GRM5: variants seen among roughly 807,000 people sequenced by gnomAD.
GRM5 encodes glutamate metabotropic receptor 5.
GRM5 carries 19 observed loss-of-function variants against 83.1 expected under a neutral mutation model. The ratio of observed to expected loss-of-function variants is 0.23; its 90% CI spans 0.16 to 0.34. The LOEUF (loss-of-function observed/expected upper bound fraction) is 0.34, where lower values mean the gene tolerates loss of function less well. Ranked by LOEUF, GRM5 falls within the 10% of genes least tolerant of loss-of-function variation. GRM5 has a pLI of 1.00. For missense variants in GRM5, 1,160 were observed against 1,588.3 expected (o/e 0.73, Z 4.58); for synonymous variants, 675 against 633.6 (o/e 1.07, Z -0.98).
intron 2 of GRM5, among the ~76,000 whole-genome samples, chr11:88,875,011 T>G (rs1402000750): frequency 2.0e-5 from 3 of 151,670 alleles, no homozygotes; most frequent in Non-Finnish European, 4.4e-5. Context: ...ATCAGGGCGG[T>G]GGCTGCTGAA....
intron 8 of GRM5, among the ~76,000 whole-genome samples, chr11:88,563,569 A>G (rs1942805008): frequency 6.6e-6 from 1 of 152,160 alleles, no homozygotes; most frequent in Non-Finnish European, 1.5e-5. Context: ...GACAGAGGAC[A>G]GCAGAACAGG....
Position 88,525,389 on chromosome 11 carries a change from T to A in GRM5, c.2646A>T (p.Arg882Ser), listed in dbSNP as rs1482582238. Residue 882 changes from arginine to serine, a missense_variant, in exon 9 of 10, where the codon AGA becomes AGT. Physicochemically the swap from Arg to Ser is moderately radical, Grantham distance 110 (BLOSUM62 -1). Transcript: ENST00000305447. ...CTATTTCCGACTTGTGCTGGGCCAG[T>A]CTCCTGTCTTTGTACCTGGTGAGCA... The part of the protein sequence containing the change: ...SGETLRYKDR[R>S]LAQHKSEIEC... 6 of 1,607,716 alleles carry A rather than the reference T, an allele frequency of 3.7e-6. No individual in the cohort carries two copies. Among genetic ancestry groups the A allele is most frequent in the Non-Finnish European group, 5.1e-6 (6 of 1,174,478 alleles).
rs1294044029 is a variant in GRM5 at position 88,857,324 on chromosome 11, C to CA, written c.662-7170dup. 4.6e-5 allele frequency among the ~76,000 whole-genome samples: 7 copies of CA among 151,808 alleles called. No individual in the cohort carries two copies. In the East Asian group the frequency reaches 1.2e-3, roughly 25 times the overall value. ...AATAAATGAGAGTTGTTTTAATTTT[C>CA]AAAAAAATAAAAAATAAAACTCAGT... is the stretch of plus-strand genomic sequence containing the variant. On this transcript the variant is annotated intron_variant, in intron 2 of 9. Transcript: ENST00000305447.
chr11:88,884,467 A>G (rs1425948698), intron 2 of GRM5, among the ~76,000 whole-genome samples: 1 of 152,188 alleles, frequency 6.6e-6, no homozygotes, highest in Non-Finnish European at 1.5e-5. Flanking sequence ...CTTGTCTCAG[A>G]TGAGACTTTG....
intron 2 of GRM5, among the ~76,000 whole-genome samples, chr11:88,970,704 T>A (rs1172934473): frequency 6.6e-6 from 1 of 152,176 alleles, no homozygotes; most frequent in Non-Finnish European, 1.5e-5. Context: ...ATATCTGGAA[T>A]CAACAGTTCT....
At chr11:88,770,933 C>T (rs1942723882) in intron 3 of GRM5, among the ~76,000 whole-genome samples, 1 of 152,122 alleles carries the variant, frequency 6.6e-6, no homozygotes, top group Admixed American at 6.6e-5. Flanking sequence ...CATATTGCCA[C>T]TCAGCAGTAG....
chr11:89,025,703 G>T (rs1256517083), intron 2 of GRM5, among the ~76,000 whole-genome samples: 2 of 152,146 alleles, frequency 1.3e-5, no homozygotes, highest in African/African-American at 2.4e-5. Context: ...TGCTGGCAAG[G>T]TTGCATAGAA....
intron 7 of GRM5, among the ~76,000 whole-genome samples, chr11:88,580,588 T>C (rs1943198781): frequency 6.6e-6 from 1 of 152,186 alleles, no homozygotes; most frequent in South Asian, 2.1e-4. Flanking sequence ...AATGATAAGA[T>C]AGAAAAACAA....
intron 3 of GRM5, among the ~76,000 whole-genome samples, chr11:88,821,044 T>A (rs182320344): frequency 6.0e-4 from 92 of 152,194 alleles, no homozygotes; most frequent in Non-Finnish European, 1.0e-3. Context: ...CAGATACACA[T>A]CACTGAAGCC....
chr11:89,004,198 A>G (rs1343788306), intron 2 of GRM5, among the ~76,000 whole-genome samples: 1 of 152,188 alleles, frequency 6.6e-6, no homozygotes, highest in African/African-American at 2.4e-5. Context: ...TTTCTCTTAA[A>G]TGCAAGAGGC....
At chr11:88,533,673 G>T (rs923644720) in intron 8 of GRM5, among the ~76,000 whole-genome samples, 1 of 152,090 alleles carries the variant, frequency 6.6e-6, no homozygotes, top group Non-Finnish European at 1.5e-5. Flanking sequence ...AGGTATGCAT[G>T]AATGACTGAC....
chr11:88,803,386 T>C (rs1428479506), intron 3 of GRM5, among the ~76,000 whole-genome samples: 1 of 152,000 alleles, frequency 6.6e-6, no homozygotes, highest in Non-Finnish European at 1.5e-5. Flanking sequence ...ACACCGCATA[T>C]CTACAACTAT....
chr11:88,835,976 T>C (rs1220294770), intron 3 of GRM5, among the ~76,000 whole-genome samples: 1 of 151,810 alleles, frequency 6.6e-6, no homozygotes, highest in East Asian at 1.9e-4. Flanking sequence ...TACCCTCAAC[T>C]CCAACCAACA....
chr11:88,735,302 C>T (rs984040695), intron 3 of GRM5, among the ~76,000 whole-genome samples: 1 of 151,944 alleles, frequency 6.6e-6, no homozygotes, highest in Non-Finnish European at 1.5e-5. Context: ...TAAATTTTGT[C>T]TAAAAATGTA....
chr11:88,942,090 CAGCCATAA>C (rs1202045698), intron 2 of GRM5, among the ~76,000 whole-genome samples: 4 of 152,094 alleles, frequency 2.6e-5, no homozygotes. Flanking sequence ...GCATAAAACA[CAGCCATAA>C]AGGACATCTT....
chr11:89,065,612 A>G (rs1942084394), intron 1 of GRM5, among the ~76,000 whole-genome samples, 164 bp downstream of exon 1: 1 of 151,998 alleles, frequency 6.6e-6, no homozygotes, highest in Admixed American at 6.6e-5. Flanking sequence ...TCCTGGCTCT[A>G]CCAGCCCTCC....
At chr11:88,730,768 A>G (rs555515359) in intron 3 of GRM5, among the ~76,000 whole-genome samples, 1 of 152,332 alleles carries the variant, frequency 6.6e-6, no homozygotes, top group South Asian at 2.1e-4. Context: ...GAACACACGA[A>G]CAGAAAACCA....
intron 7 of GRM5, among the ~76,000 whole-genome samples, chr11:88,587,713 A>C (rs1943346344): frequency 6.6e-6 from 1 of 152,140 alleles, no homozygotes; most frequent in East Asian, 1.9e-4. Context: ...GGAAGTGAAC[A>C]TCTGTATATC....
At chr11:88,610,749 C>T (rs7942741) in intron 4 of GRM5, among the ~76,000 whole-genome samples, 39,300 of 152,050 alleles carry the variant, frequency 0.26, 5,150 homozygotes, top group African/African-American at 0.32. Context: ...GGACTTCCAG[C>T]ACTACATTGA....
Sources: gnomAD v4.1 joint callset for allele counts (sites outside exome capture counted in the v4.1 genomes callset) on GRCh38, gnomAD v4.1.1 for gene constraint, MANE v1.5 for transcripts, NCBI Gene and HGNC (gene_info 2026-07-23, HGNC 2026-07-21) for gene names.